Variants in POLN observed in about 807,000 individuals in gnomAD.
POLN encodes DNA polymerase N.
Under a neutral mutation model 113.5 loss-of-function variants are expected in POLN, and 108 were observed. That is an observed-to-expected ratio of 0.95 (90% CI 0.81 to 1.12). The LOEUF is 1.12. POLN is among the 50% of genes most tolerant of loss of function. The pLI, the probability that POLN is intolerant of heterozygous loss-of-function variation, is 0.00. For synonymous variants in POLN, 386 were observed against 391.5 expected, an observed-to-expected ratio of 0.99 and a Z score of 0.17; for missense variants, 1,097 against 1,077.1, an observed-to-expected ratio of 1.02 and a Z score of -0.26.
intron 19 of POLN, among the ~76,000 whole-genome samples, chr4:2,103,327 A>G (rs1411411445): frequency 6.6e-6 from 1 of 152,138 alleles, no homozygotes; most frequent in African/African-American, 2.4e-5. Context: ...TACATTTGAA[A>G]GCTTCAACAA....
chr4:2,169,150 G>T (rs536510951), intron 13 of POLN, among the ~76,000 whole-genome samples: 1 of 152,202 alleles, frequency 6.6e-6, no homozygotes, highest in East Asian at 1.9e-4. Flanking sequence ...CGCTGGAGTG[G>T]GGGGAGAGAG....
At chr4:2,134,459 C>T (rs1470777265) in intron 16 of POLN, among the ~76,000 whole-genome samples, 1 of 152,136 alleles carries the variant, frequency 6.6e-6, no homozygotes, top group African/African-American at 2.4e-5. Context: ...ATTTTTCATT[C>T]CCACCAGCAA....
intron 16 of POLN, chr4:2,156,389 T>C: frequency 2.3e-6 from 1 of 439,880 alleles, no homozygotes; most frequent in South Asian, 1.6e-5. Flanking sequence ...TTTTTTTTTT[T>C]TCTTCATCAG....
intron 16 of POLN, among the ~76,000 whole-genome samples, chr4:2,133,375 C>A (rs753464431): frequency 6.6e-5 from 10 of 152,188 alleles, no homozygotes; most frequent in Non-Finnish European, 1.5e-4. Flanking sequence ...CCCATGTTTA[C>A]TGCAGCCCCG....
chr4:2,089,193 G>C, intron 20 of POLN: 1 of 1,516,456 alleles, frequency 6.6e-7, no homozygotes, highest in Non-Finnish European at 9.0e-7. Context: ...TGACCTCAAA[G>C]GACTCTTTCT....
At chr4:2,112,903 T>G (rs1237273897) in intron 19 of POLN, among the ~76,000 whole-genome samples, 1 of 152,152 alleles carries the variant, frequency 6.6e-6, no homozygotes. Flanking sequence ...CCCAAAGGAT[T>G]AGAAATCATG....
rs1024594869 is a variant in POLN, at chr4:2,123,646, GA to G, written c.1982+4466del. On this transcript the variant is annotated intron_variant, in intron 19 of 25. Coordinates refer to ENST00000511885, the MANE Select transcript of POLN (RefSeq NM_181808.4). ...TCTCAAAAAAAAAAAAAAAAAAAAA[GA>G]AAAAAAAATTCAGCCAGGCATGGTG... Among the ~76,000 whole-genome samples the G allele has an allele frequency of 7.5e-4, 92 of 123,254 alleles. 1 individual carries two copies. The highest frequency in any genetic ancestry group is 1.1e-3 in the South Asian group (4 of 3,790). 80.9% of individuals were successfully genotyped at this position (123,254 alleles called of 152,430 possible). A position where few individuals can be genotyped will look rare whatever the true frequency, so the allele number is the denominator to read the frequency against.
At chr4:2,080,133 C>T (rs920945655) in intron 23 of POLN, 166 of 985,408 alleles carry the variant, frequency 1.7e-4, no homozygotes, top group Non-Finnish European at 1.9e-4. Context: ...AGGTTAGCTC[C>T]CAGAAGGGGC....
rs1221763733 is a variant in POLN at position 2,094,367 on chromosome 4, A to AAAAAAAAAAAAAAG, written c.2065+1483_2065+1484insCTTTTTTTTTTTTT. ...GATAGAGCAAGGTTCTGTCTCCAAA[A>AAAAAAAAAAAAAAG]AAAAAAAAGAAAGAAAGAAACAGAA... On this transcript the variant is annotated intron_variant, in intron 20 of 25. Transcript: ENST00000511885. 2.0e-5 allele frequency among the ~76,000 whole-genome samples: 3 copies of AAAAAAAAAAAAAAG among 148,852 alleles called. 1 individual carries two copies. The highest frequency in any genetic ancestry group is 1.3e-4 in the Admixed American group (2 of 14,976).
chr4:2,098,928 A>G lies in POLN; in HGVS notation c.1983-2995T>C, dbSNP rs1213328828. 7.9e-5 allele frequency among the ~76,000 whole-genome samples: 12 copies of G among 152,364 alleles called. No individual in the cohort carries two copies. The South Asian group carries it at 1.7e-3, about 21-fold the overall frequency. ...CATGCACGTGCGTGCGCACACACAC[A>G]CACACACACACACACACTGAAGAGG... On this transcript the variant is annotated intron_variant, in intron 19 of 25. Coordinates refer to ENST00000511885, the MANE Select transcript of POLN (RefSeq NM_181808.4).
chr4:2,165,798 A>T (rs572698792), intron 13 of POLN, among the ~76,000 whole-genome samples: 1 of 151,376 alleles, frequency 6.6e-6, no homozygotes, highest in East Asian at 1.9e-4. Context: ...TTTTTTTGAG[A>T]CAGTGTCTCA....
At chr4:2,199,783 T>TG in intron 5 of POLN, among the ~76,000 whole-genome samples, 1 of 151,668 alleles carries the variant, frequency 6.6e-6, no homozygotes, top group East Asian at 1.9e-4. Flanking sequence ...TTCACTGTGT[T>TG]CCAGGCTGGT....
chr4:2,147,649 T>TG (rs1732181618), intron 16 of POLN, among the ~76,000 whole-genome samples: 1 of 143,430 alleles, frequency 7.0e-6, no homozygotes, highest in South Asian at 2.4e-4. Flanking sequence ...TTTTCTTTTT[T>TG]TTTTTTTTTT....
chr4:2,128,289 GCACCC>G, intron 18 of POLN, 62 bp from the exon 19 acceptor site: 9 of 1,059,372 alleles, frequency 8.5e-6, no homozygotes, highest in Non-Finnish European at 1.1e-5. Context: ...TGTTTGCTGC[GCACCC>G]CGGCCACCCT....
rs565913414 is a variant in POLN, at chr4:2,127,848, C to T, written c.1982+265G>A. On this transcript the variant is annotated intron_variant, in intron 19 of 25. Coordinates refer to ENST00000511885, the MANE Select transcript of POLN (RefSeq NM_181808.4). This position sits in a 1 kb window ranked among gnomAD's most constrained non-coding sequence, Gnocchi z 4.7. ...TTCCGTGGTGCTCGCCTGCAGGGCG[C>T]GGGACTCGCTGGTTATTTTATCATT... 9.2e-5 allele frequency among the ~76,000 whole-genome samples: 14 copies of T among 152,350 alleles called. No individual in the cohort carries two copies. Among genetic ancestry groups the T allele is most frequent in the East Asian group, 5.8e-4 (3 of 5,182 alleles).
At chr4:2,073,308 G>A (rs1730197219) in intron 24 of POLN, among the ~76,000 whole-genome samples, 1 of 152,162 alleles carries the variant, frequency 6.6e-6, no homozygotes, top group Non-Finnish European at 1.5e-5. Flanking sequence ...CCTCCTCCTG[G>A]CCTGGCCCAC....
intron 9 of POLN, among the ~76,000 whole-genome samples, chr4:2,175,859 C>T (rs528055601): frequency 3.9e-5 from 6 of 152,216 alleles, no homozygotes; most frequent in African/African-American, 1.4e-4. Flanking sequence ...GTTCCCTTTG[C>T]CCTCCCTGGC....
intron 16 of POLN, among the ~76,000 whole-genome samples, chr4:2,148,598 C>T (rs528732197): frequency 3.3e-5 from 5 of 151,832 alleles, no homozygotes; most frequent in East Asian, 1.9e-4. Flanking sequence ...ACCCAGGAGG[C>T]GGAGGTTGCA....
At chr4:2,106,436 T>C (rs1476679744) in intron 19 of POLN, among the ~76,000 whole-genome samples, 3 of 152,252 alleles carry the variant, frequency 2.0e-5, no homozygotes, top group Non-Finnish European at 4.4e-5. Flanking sequence ...AGAAGTCTTA[T>C]AATTTTGATA....
Sources: allele counts gnomAD v4.1 joint callset (sites outside exome capture counted in the v4.1 genomes callset), GRCh38; gene constraint gnomAD v4.1.1; non-coding constraint Gnocchi (gnomAD v3.1); transcripts MANE v1.5; gene names NCBI Gene and HGNC (gene_info 2026-07-23, HGNC 2026-07-21).